The following CHMP5 variants were observed in gnomAD, a reference collection of about 807,000 sequenced individuals.
CHMP5 encodes SNF7 domain containing 2.
In CHMP5, 17 loss-of-function variants were observed where a neutral mutation model predicts 33.0. The ratio of observed to expected loss-of-function variants is 0.52; its 90% CI spans 0.35 to 0.77. The LOEUF (loss-of-function observed/expected upper bound fraction) is 0.77, where lower values mean the gene tolerates loss of function less well. Among genes scored for constraint, CHMP5 ranks in the 30% least tolerant of loss-of-function variants. The pLI is 0.01. For missense variants in CHMP5, 216 were observed against 261.5 expected (o/e 0.83, Z 1.20); for synonymous variants, 76 against 90.2 (o/e 0.84, Z 0.89).
chr9:33,279,354 A>G (rs894976984), intron 7 of CHMP5, among the ~76,000 whole-genome samples: 7 of 152,132 alleles, frequency 4.6e-5, no homozygotes, highest in Non-Finnish European at 1.0e-4. Context: ...TCTTAGGTCC[A>G]TTATTACTGG....
In CHMP5 at chr9:33,278,049, G is replaced by T. The variant is rs1820875741; in HGVS notation, c.497-64G>T. 7 of 1,044,500 alleles carry T rather than the reference G, an allele frequency of 6.7e-6. No individual in the cohort carries two copies. In the East Asian group the frequency reaches 1.7e-4, roughly 26 times the overall value. The allele number at this position is 1,044,500 out of a possible 1,614,324, so 64.7% of individuals were successfully genotyped here. On this transcript the variant is annotated intron_variant, in intron 6 of 7. Coordinates refer to ENST00000223500, the MANE Select transcript of CHMP5 (RefSeq NM_016410.6). Reference sequence around the variant, plus strand: ...CTTTCAAGTCCATCGATAAATGAGAGAAATTATTAGCTGCCAGTTTTCTTG... The same window carrying T: ...CTTTCAAGTCCATCGATAAATGAGATAAATTATTAGCTGCCAGTTTTCTTG...
At chr9:33,280,460 G>A (rs552100988) in intron 7 of CHMP5, among the ~76,000 whole-genome samples, 3 of 152,314 alleles carry the variant, frequency 2.0e-5, no homozygotes, top group South Asian at 4.1e-4. Flanking sequence ...TATTGGTCCA[G>A]AGTGAAAATG....
chr9:33,267,049 T>A lies in CHMP5; in HGVS notation c.175-804T>A, dbSNP rs993788100. ...AACAGAGATAATACCCACCTTACAG[T>A]ATGAGGATTAAATGAGGTAATTGAT... is the stretch of plus-strand genomic sequence containing the variant. On this transcript the variant is annotated intron_variant, in intron 2 of 7. Transcript: ENST00000223500. Among the ~76,000 whole-genome samples, 14 of 152,328 alleles carry A rather than the reference T, an allele frequency of 9.2e-5. No homozygotes were observed. In the East Asian group the frequency reaches 2.7e-3, roughly 29 times the overall value.
chr9:33,271,217 G>C lies in CHMP5; in HGVS notation c.381G>C (p.Gln127His). Reference sequence around the variant, plus strand: ...CATACAAGCAAGTGAAGATCGACCAGATTGAGGTGAGACATATGCTAGTTT... The same window carrying C: ...CATACAAGCAAGTGAAGATCGACCACATTGAGGTGAGACATATGCTAGTTT... ...KKAYKQVKID[Q>H]IEDLQDQLED... Residue 127 changes from glutamine to histidine, a missense_variant, in exon 5 of 8, where the codon CAG becomes CAC. Transcript: ENST00000223500. 6.2e-7 allele frequency: 1 copy of C among 1,613,010 alleles called. No individual in the cohort carries two copies. Among genetic ancestry groups the C allele is most frequent in the South Asian group, 1.1e-5 (1 of 91,072 alleles).
chr9:33,269,285 C>G (rs1317366212), intron 3 of CHMP5, among the ~76,000 whole-genome samples: 4 of 151,968 alleles, frequency 2.6e-5, no homozygotes, highest in Non-Finnish European at 4.4e-5. Context: ...CAGAAGCTCA[C>G]TTGAGGTCAG....
intron 7 of CHMP5, among the ~76,000 whole-genome samples, chr9:33,280,361 G>A (rs17329305): frequency 0.011 from 1,661 of 152,280 alleles, 19 homozygotes; most frequent in Admixed American, 0.022. Flanking sequence ...TAGTGATGTC[G>A]CTGCCTATGA....
intron 5 of CHMP5, among the ~76,000 whole-genome samples, chr9:33,273,596 G>A: frequency 6.6e-6 from 1 of 152,148 alleles, no homozygotes; most frequent in Non-Finnish European, 1.5e-5. Context: ...GCTTTACTTA[G>A]AAAATATTTT....
intron 7 of CHMP5, among the ~76,000 whole-genome samples, chr9:33,280,170 T>A (rs1820905114): frequency 6.6e-6 from 1 of 152,088 alleles, no homozygotes; most frequent in African/African-American, 2.4e-5. Context: ...AGAGATGGGA[T>A]TTCACTATGT....
At chr9:33,274,302 G>A (rs116237902) in intron 5 of CHMP5, among the ~76,000 whole-genome samples, 1,534 of 152,182 alleles carry the variant, frequency 0.01, 21 homozygotes, top group African/African-American at 0.035. Flanking sequence ...CCAAACTCCT[G>A]AGCTCAAGTG....
intron 3 of CHMP5, among the ~76,000 whole-genome samples, chr9:33,269,348 A>G (rs1437994259): frequency 6.6e-6 from 1 of 152,144 alleles, no homozygotes; most frequent in African/African-American, 2.4e-5. Context: ...CACTAAAAAT[A>G]CAAAAATTAG....
At position 33,281,203 on chromosome 9, in the gene CHMP5, G is replaced by T. The variant is rs1820919027; in HGVS notation, c.*344G>T. On this transcript the variant is annotated 3_prime_UTR_variant, in exon 8 of 8. Transcript: ENST00000223500. ...CAGTGTAACTCTACAGTCTCAAAATGACCTGATAAATTGATAAGACAAAGA... is the reference window on the plus strand; with the variant it reads ...CAGTGTAACTCTACAGTCTCAAAATTACCTGATAAATTGATAAGACAAAGA... The T allele has an allele frequency of 5.1e-6, 1 of 194,586 alleles. No homozygotes were observed. Among genetic ancestry groups the T allele is most frequent in the East Asian group, 1.3e-4 (1 of 7,828 alleles). The allele number at this position is 194,586 out of a possible 1,614,324, so 12.1% of individuals were successfully genotyped here.
intron 4 of CHMP5, 94 bp from the exon 5 acceptor site, chr9:33,271,058 T>C: frequency 4.0e-6 from 4 of 1,010,762 alleles, no homozygotes; most frequent in Non-Finnish European, 6.0e-6. Flanking sequence ...GCAGCAAGAG[T>C]GCAACTCTGT....
intron 7 of CHMP5, 121 bp from the exon 8 acceptor site, chr9:33,280,688 C>A: frequency 1.2e-6 from 1 of 819,326 alleles, no homozygotes; most frequent in Non-Finnish European, 1.9e-6. Flanking sequence ...CTTATGACTG[C>A]GATTTTGGTT....
At chr9:33,272,779 G>A (rs939435493) in intron 5 of CHMP5, among the ~76,000 whole-genome samples, 2 of 151,806 alleles carry the variant, frequency 1.3e-5, no homozygotes, top group Non-Finnish European at 2.9e-5. Flanking sequence ...CAGCCTGGGC[G>A]ACAGAGCAAG....
intron 1 of CHMP5, among the ~76,000 whole-genome samples, chr9:33,265,603 A>C (rs1254913793): frequency 2.0e-5 from 3 of 152,196 alleles, no homozygotes; most frequent in African/African-American, 7.2e-5. Context: ...CTAGCCCCTC[A>C]GATTAAGCCA....
chr9:33,278,283 C>T, intron 7 of CHMP5, 58 bp downstream of exon 7: 1 of 1,021,796 alleles, frequency 9.8e-7, no homozygotes, highest in Non-Finnish European at 1.5e-6. Context: ...TATGCTTGAC[C>T]ATAAGTCTGG....
intron 5 of CHMP5, among the ~76,000 whole-genome samples, chr9:33,272,016 G>A (rs1408607960): frequency 6.6e-6 from 1 of 152,110 alleles, no homozygotes; most frequent in Non-Finnish European, 1.5e-5. Context: ...CCCTTTTCTA[G>A]TAATTCTCTT....
intron 7 of CHMP5, among the ~76,000 whole-genome samples, chr9:33,280,428 G>T (rs545207244): frequency 6.6e-6 from 1 of 152,334 alleles, no homozygotes; most frequent in African/African-American, 2.4e-5. Context: ...GCTCCTTCAA[G>T]GATTTGGGAG....
At chr9:33,274,417 A>G (rs1820829371) in intron 5 of CHMP5, among the ~76,000 whole-genome samples, 1 of 152,150 alleles carries the variant, frequency 6.6e-6, no homozygotes. Context: ...TCTGAAGGAT[A>G]AATGGTGCTG....
Sources: allele counts gnomAD v4.1 joint callset (sites outside exome capture counted in the v4.1 genomes callset), GRCh38; gene constraint gnomAD v4.1.1; transcripts MANE v1.5; gene names NCBI Gene and HGNC (gene_info 2026-07-23, HGNC 2026-07-21).